The following ARSG variants were observed in gnomAD, a reference collection of about 807,000 sequenced individuals.
The protein encoded by ARSG is arylsulfatase G.
ARSG carries 37 observed loss-of-function variants against 50.5 expected under a neutral mutation model. That is an observed-to-expected ratio of 0.73 (90% CI 0.56 to 0.96). The LOEUF is 0.96. ARSG is among the 50% of genes least tolerant of loss of function. ARSG has a pLI of 0.00. For synonymous variants in ARSG, 225 were observed against 254.6 expected (o/e 0.88, Z 1.11); for missense variants, 629 against 675.3 (o/e 0.93, Z 0.76).
chr17:68,276,500 A>G (rs916535422), intron 1 of ARSG, among the ~76,000 whole-genome samples: 1 of 151,222 alleles, frequency 6.6e-6, no homozygotes, highest in Non-Finnish European at 1.5e-5. Flanking sequence ...CCAGGCTGGA[A>G]TGCAATGGCA....
At chr17:68,309,842 A>C (rs1347549511) in intron 2 of ARSG, among the ~76,000 whole-genome samples, 1 of 150,790 alleles carries the variant, frequency 6.6e-6, no homozygotes. Context: ...CTGGGCAATA[A>C]GAGTGAGACT....
At chr17:68,368,803 C>T (rs565632317) in intron 7 of ARSG, 59 bp downstream of exon 7, 694 of 1,562,690 alleles carry the variant, frequency 4.4e-4, no homozygotes, top group Non-Finnish European at 5.8e-4. Context: ...TTGCACATTA[C>T]CTGTGAAGAG....
At chr17:68,432,409 C>T in the ARSG span, among the ~76,000 whole-genome samples, 1 of 152,200 alleles carries the variant, frequency 6.6e-6, no homozygotes, top group African/African-American at 2.4e-5. Context: ...TCTCTTTCAG[C>T]CTTGTGTCAT....
chr17:68,374,313 G>A lies in ARSG; in HGVS notation c.982+3789G>A, dbSNP rs1568542278. Among the ~76,000 whole-genome samples, 4 of 151,156 alleles carry A rather than the reference G, an allele frequency of 2.6e-5. No individual in the cohort carries two copies. In the South Asian group the frequency reaches 6.3e-4, roughly 24 times the overall value. ...GTGTTCAGTTAGAAAGCCTGGAATA[G>A]CCTGGTGTCAGAAGCCCCAAGGCTA... is the stretch of plus-strand genomic sequence containing the variant. On this transcript the variant is annotated intron_variant, in intron 8 of 11. Transcript: ENST00000621439.
At chr17:68,303,198 C>T (rs538026113) in intron 1 of ARSG, among the ~76,000 whole-genome samples, 19 of 152,192 alleles carry the variant, frequency 1.2e-4, no homozygotes, top group African/African-American at 3.9e-4. Flanking sequence ...CATCATAGCT[C>T]GCCACAGCCT....
the ARSG span, chr17:68,430,081 C>T: frequency 1.9e-6 from 3 of 1,614,150 alleles, no homozygotes; most frequent in Non-Finnish European, 2.5e-6. Context: ...ATGTCTGACA[C>T]CTGGGTAGGG....
chr17:68,435,751 A>T, the ARSG span: 1 of 1,589,824 alleles, frequency 6.3e-7, no homozygotes, highest in African/African-American at 1.3e-5. Flanking sequence ...GATGCTGCGG[A>T]GGAGGGAAGA....
At chr17:68,291,377 A>C (rs1368333445), upstream of ARSG, 1 of 141,500 alleles carries the variant, frequency 7.1e-6, no homozygotes, top group Non-Finnish European at 1.5e-5. Context: ...GTCGCTGCCT[A>C]GCTCTTATCC....
chr17:68,426,583 A>G (rs1324474275), downstream of ARSG, among the ~76,000 whole-genome samples: 1 of 152,150 alleles, frequency 6.6e-6, no homozygotes, highest in Non-Finnish European at 1.5e-5. Context: ...CCCAGGCTGG[A>G]GTGCAGTGGT....
the ARSG span, among the ~76,000 whole-genome samples, chr17:68,439,750 T>C: frequency 0.014 from 2,129 of 152,356 alleles, 40 homozygotes; most frequent in African/African-American, 0.048. Context: ...TGTGAAACTC[T>C]GGCCGAGTTA....
At chr17:68,380,473 TGC>T (rs2080379999) in intron 8 of ARSG, among the ~76,000 whole-genome samples, 1 of 152,114 alleles carries the variant, frequency 6.6e-6, no homozygotes, top group African/African-American at 2.4e-5. Flanking sequence ...CTCACTATGT[TGC>T]CCAGTCTGGT....
the ARSG span, chr17:68,440,671 T>C: frequency 2.0e-5 from 3 of 152,212 alleles, no homozygotes; most frequent in Non-Finnish European, 4.4e-5. Context: ...ATAATTCCAC[T>C]GTAATTGTTT....
At chr17:68,284,068 A>T (rs1223421824) in intron 1 of ARSG, among the ~76,000 whole-genome samples, 2 of 135,708 alleles carry the variant, frequency 1.5e-5, no homozygotes, top group Non-Finnish European at 3.1e-5. Flanking sequence ...TCCAGCCTAG[A>T]GTGAGCAATA....
intron 11 of ARSG, among the ~76,000 whole-genome samples, chr17:68,412,188 G>A (rs1362951138): frequency 2.7e-5 from 4 of 149,508 alleles, no homozygotes; most frequent in Non-Finnish European, 4.5e-5. Flanking sequence ...TATTTTGCTC[G>A]TTAGTTGATG....
chr17:68,419,972 A>G (rs2082661725), intron 11 of ARSG, among the ~76,000 whole-genome samples: 1 of 152,198 alleles, frequency 6.6e-6, no homozygotes, highest in Admixed American at 6.5e-5. Context: ...AAACAAAAAC[A>G]GAAATGAAAA....
chr17:68,308,817 G>A (rs1555765493), intron 2 of ARSG, among the ~76,000 whole-genome samples: 8 of 152,288 alleles, frequency 5.3e-5, no homozygotes, highest in Non-Finnish European at 2.9e-5. Context: ...GTTCTCCAAG[G>A]CCCCACCAGA....
In ARSG at chr17:68,368,652, G is replaced by A. The variant is rs759959156; in HGVS notation, c.809G>A (p.Gly270Asp). ...PAAPRGRSLY[G>D]AGLWEMDSLV... ...GCGCCACGGGGCAGAAGCCTGTATG[G>A]TGCAGGGCTCTGGGAGATGGACAGT... Residue 270 changes from glycine to aspartate, a missense_variant, in exon 7 of 12, where the codon GGT becomes GAT. Physicochemically the swap from Gly to Asp is moderately conservative, Grantham distance 94. Transcript: ENST00000621439. 17 of 1,614,122 alleles carry A rather than the reference G, an allele frequency of 1.1e-5. No individual in the cohort carries two copies. In the East Asian group the frequency reaches 2.2e-4, roughly 21 times the overall value.
the ARSG span, among the ~76,000 whole-genome samples, chr17:68,433,760 G>GTTTTTT: frequency 4.7e-4 from 34 of 72,816 alleles, 5 homozygotes; most frequent in African/African-American, 1.8e-3. Context: ...AAGGGTCATA[G>GTTTTTT]TTTTTTTTTT....
At chr17:68,333,189 G>A (rs1599758731) in intron 2 of ARSG, among the ~76,000 whole-genome samples, 1 of 152,140 alleles carries the variant, frequency 6.6e-6, no homozygotes, top group African/African-American at 2.4e-5. Flanking sequence ...AGGCATGGGG[G>A]CAGACACCTG....
Sources: allele counts gnomAD v4.1 joint callset (sites outside exome capture counted in the v4.1 genomes callset), GRCh38; gene constraint gnomAD v4.1.1; transcripts MANE v1.5; gene names NCBI Gene and HGNC (gene_info 2026-07-23, HGNC 2026-07-21).